Variants in RAB7A observed in about 807,000 individuals in gnomAD.
The protein encoded by RAB7A is ras-related protein Rab-7a.
Under a neutral mutation model 24.5 loss-of-function variants are expected in RAB7A, and 2 were observed. The ratio of observed to expected loss-of-function variants is 0.08; its 90% CI spans 0.03 to 0.26. RAB7A has a LOEUF of 0.26. Ranked by LOEUF, RAB7A falls within the 10% of genes least tolerant of loss-of-function variation. The pLI, the probability that RAB7A is intolerant of heterozygous loss-of-function variation, is 1.00. For synonymous variants in RAB7A, 100 were observed against 95.9 expected, an observed-to-expected ratio of 1.04 and a Z score of -0.25; for missense variants, 118 against 255.7, an observed-to-expected ratio of 0.46 and a Z score of 3.67.
intron 1 of RAB7A, among the ~76,000 whole-genome samples, chr3:128,787,251 A>G (rs1318667300): frequency 1.3e-5 from 2 of 152,258 alleles, no homozygotes; most frequent in Admixed American, 1.3e-4. Flanking sequence ...ACTATAGAAC[A>G]TTAATTGGTT....
chr3:128,807,859 G>A (rs1272160037), intron 5 of RAB7A, among the ~76,000 whole-genome samples, 188 bp downstream of exon 5: 1 of 152,198 alleles, frequency 6.6e-6, no homozygotes, highest in African/African-American at 2.4e-5. Flanking sequence ...CACTTTGGGG[G>A]GAATAATATA....
At chr3:128,792,167 T>C (rs1320787401) in intron 1 of RAB7A, among the ~76,000 whole-genome samples, 1 of 152,206 alleles carries the variant, frequency 6.6e-6, no homozygotes, top group Non-Finnish European at 1.5e-5. Context: ...TTGTGACACG[T>C]GTGGGTAGAG....
In RAB7A at chr3:128,769,595, T is replaced by C. The variant is rs541260877; in HGVS notation, c.-8-25765T>C. On this transcript the variant is annotated intron_variant, in intron 1 of 5. Coordinates refer to ENST00000265062, the MANE Select transcript of RAB7A (RefSeq NM_004637.6). ...AGTCTGTGTCTTTCCATTCTATTAATAGTGTTTTTGGAAGAGCAGAAGCTC... is the reference window on the plus strand; with the variant it reads ...AGTCTGTGTCTTTCCATTCTATTAACAGTGTTTTTGGAAGAGCAGAAGCTC... 3.3e-5 allele frequency among the ~76,000 whole-genome samples: 5 copies of C among 152,346 alleles called. No homozygotes were observed. In the South Asian group the frequency reaches 8.3e-4, roughly 25 times the overall value.
chr3:128,813,880 G>GCGACCACCGAGAT lies in RAB7A; in HGVS notation c.*459_*460insGACCACCGAGATC. 7.9e-6 allele frequency: 2 copies of GCGACCACCGAGAT among 253,572 alleles called. No individual in the cohort carries two copies. The highest frequency in any genetic ancestry group is 9.6e-5 in the East Asian group (1 of 10,384). The allele number at this position is 253,572 out of a possible 1,614,324, so 15.7% of individuals were successfully genotyped here. The stretch of plus-strand genomic sequence containing the variant: ...CCCCCTTTCCCCTCCCTCCTTGAAG[G>GCGACCACCGAGAT]CTACCCCTTGGGAAGGCTGGTGCCC... On this transcript the variant is annotated 3_prime_UTR_variant, in exon 6 of 6. Transcript: ENST00000265062.
chr3:128,808,068 A>T (rs1933843767), intron 5 of RAB7A, among the ~76,000 whole-genome samples: 1 of 152,164 alleles, frequency 6.6e-6, no homozygotes, highest in South Asian at 2.1e-4. Flanking sequence ...GCTTAAAAAA[A>T]AATTATGGCC....
intron 1 of RAB7A, among the ~76,000 whole-genome samples, chr3:128,788,151 G>C (rs2107607840): frequency 6.6e-6 from 1 of 152,306 alleles, no homozygotes; most frequent in South Asian, 2.1e-4. Context: ...TAGCTGTCTT[G>C]GTTATCACAT....
At chr3:128,760,793 G>A (rs2070770780) in intron 1 of RAB7A, among the ~76,000 whole-genome samples, 1 of 152,136 alleles carries the variant, frequency 6.6e-6, no homozygotes, top group Admixed American at 6.5e-5. Context: ...AATCTTTTGT[G>A]GTCGAATCCT....
chr3:128,751,357 G>A (rs1222318283), intron 1 of RAB7A, among the ~76,000 whole-genome samples: 2 of 152,216 alleles, frequency 1.3e-5, no homozygotes, highest in Admixed American at 1.3e-4. Flanking sequence ...ACCCTGCAAA[G>A]CCTCAGGGGT....
At chr3:128,780,855 C>T (rs950841677) in intron 1 of RAB7A, among the ~76,000 whole-genome samples, 7 of 152,148 alleles carry the variant, frequency 4.6e-5, no homozygotes, top group Non-Finnish European at 7.3e-5. Flanking sequence ...GGGAGTGAGC[C>T]ACTTAGTGAC....
intron 1 of RAB7A, among the ~76,000 whole-genome samples, chr3:128,732,829 G>GA (rs1049929617): frequency 8.6e-5 from 13 of 152,002 alleles, no homozygotes; most frequent in Admixed American, 2.0e-4. Flanking sequence ...CCTGTCTCAA[G>GA]AAAAAAGAAA....
At chr3:128,761,846 AC>A (rs1258582761) in intron 1 of RAB7A, among the ~76,000 whole-genome samples, 1 of 152,218 alleles carries the variant, frequency 6.6e-6, no homozygotes, top group Non-Finnish European at 1.5e-5. Flanking sequence ...CTGAAAAGCA[AC>A]CGAGCATTTA....
intron 1 of RAB7A, among the ~76,000 whole-genome samples, chr3:128,743,009 G>A (rs896758852): frequency 1.3e-5 from 2 of 152,182 alleles, no homozygotes; most frequent in African/African-American, 4.8e-5. Flanking sequence ...CGGGCTTCAC[G>A]GGAGCCCACC....
chr3:128,759,956 T>C (rs1206654611), intron 1 of RAB7A, among the ~76,000 whole-genome samples: 1 of 152,170 alleles, frequency 6.6e-6, no homozygotes, highest in East Asian at 1.9e-4. Context: ...GTGATCTGCC[T>C]GCCTCGGCCT....
At chr3:128,758,837 C>T (rs1200317472) in intron 1 of RAB7A, among the ~76,000 whole-genome samples, 1 of 152,118 alleles carries the variant, frequency 6.6e-6, no homozygotes, top group Non-Finnish European at 1.5e-5. Context: ...CCACGAATAG[C>T]TGTGTTTTAT....
rs529948016 is a variant in RAB7A, at chr3:128,802,451, C to T, written c.181-3921C>T. Among the ~76,000 whole-genome samples, 9 of 152,282 alleles carry T rather than the reference C, an allele frequency of 5.9e-5. No individual in the cohort carries two copies. The East Asian group carries it at 1.3e-3, about 23-fold the overall frequency. ...CACAGGGTGCACCTCTCTGGTAATA[C>T]ATGGAGAGAAGGGTGTTGTAGGGTA... On this transcript the variant is annotated intron_variant, in intron 3 of 5. Transcript: ENST00000265062.
At chr3:128,773,482 C>G (rs985852007) in intron 1 of RAB7A, among the ~76,000 whole-genome samples, 4 of 145,136 alleles carry the variant, frequency 2.8e-5, no homozygotes, top group Non-Finnish European at 4.7e-5. Context: ...GGGGTCAGCC[C>G]CCGCCCAGCA....
chr3:128,806,163 C>T (rs1162064294), intron 3 of RAB7A, among the ~76,000 whole-genome samples: 4 of 152,170 alleles, frequency 2.6e-5, no homozygotes, highest in Non-Finnish European at 5.9e-5. Context: ...CAATGTCACT[C>T]GCTTATAGAC....
intron 1 of RAB7A, among the ~76,000 whole-genome samples, chr3:128,787,342 A>G (rs923792372): frequency 2.6e-5 from 4 of 152,222 alleles, no homozygotes; most frequent in African/African-American, 9.6e-5. Flanking sequence ...CGGGCACAAC[A>G]TGTAAATCAG....
intron 1 of RAB7A, among the ~76,000 whole-genome samples, chr3:128,786,193 G>C (rs1307799916): frequency 6.6e-6 from 1 of 152,176 alleles, no homozygotes; most frequent in African/African-American, 2.4e-5. Flanking sequence ...AATTGCCCCA[G>C]GAAAGTCTGT....
Sources: allele counts gnomAD v4.1 joint callset (sites outside exome capture counted in the v4.1 genomes callset), GRCh38; gene constraint gnomAD v4.1.1; transcripts MANE v1.5; gene names NCBI Gene and HGNC (gene_info 2026-07-23, HGNC 2026-07-21).